The following CNIH3 variants were observed in gnomAD, a reference collection of about 807,000 sequenced individuals.
CNIH3 encodes the protein protein cornichon homolog 3.
In CNIH3, 14 loss-of-function variants were observed where a neutral mutation model predicts 24.1. That is an observed-to-expected ratio of 0.58 (90% CI 0.38 to 0.91). The LOEUF (loss-of-function observed/expected upper bound fraction) is 0.91, where lower values mean the gene tolerates loss of function less well. CNIH3 is among the 40% of genes least tolerant of loss of function. The probability of loss-of-function intolerance (pLI) is 0.00; values close to 1 mark genes in which losing one functional copy is unlikely to be tolerated. For synonymous variants in CNIH3, 68 were observed against 73.8 expected (o/e 0.92, Z 0.40); for missense variants, 178 against 196.8 (o/e 0.90, Z 0.57).
At chr1:224,463,348 G>T (rs1246468149) in intron 1 of CNIH3, among the ~76,000 whole-genome samples, 2 of 151,974 alleles carry the variant, frequency 1.3e-5, no homozygotes, top group Non-Finnish European at 2.9e-5. Context: ...AAAATCCTTT[G>T]GCCATTTAAA....
intron 3 of CNIH3, among the ~76,000 whole-genome samples, chr1:224,554,086 G>A (rs754524086): frequency 2.0e-5 from 3 of 152,046 alleles, no homozygotes; most frequent in Non-Finnish European, 4.4e-5. Context: ...ATGGAGTAAG[G>A]GGCACCATTC....
downstream of CNIH3, among the ~76,000 whole-genome samples, chr1:224,540,148 G>A (rs989029918): frequency 1.3e-5 from 2 of 152,144 alleles, no homozygotes; most frequent in African/African-American, 4.8e-5. Context: ...AAATCATCTA[G>A]TTCCTGGGGA....
At chr1:224,667,910 C>T (rs1685673628) in intron 1 of CNIH3, among the ~76,000 whole-genome samples, 1 of 152,120 alleles carries the variant, frequency 6.6e-6, no homozygotes, top group East Asian at 1.9e-4. Context: ...CGTGGATAGA[C>T]AAAGTATAGT....
intron 1 of CNIH3, among the ~76,000 whole-genome samples, chr1:224,468,563 A>AT (rs1408042318): frequency 1.3e-5 from 2 of 151,974 alleles, no homozygotes; most frequent in African/African-American, 4.8e-5. Context: ...ATTTATTAGG[A>AT]TTTTCTGTGT....
At chr1:224,438,222 CTT>C (rs774066856) in intron 1 of CNIH3, among the ~76,000 whole-genome samples, 36 of 143,016 alleles carry the variant, frequency 2.5e-4, no homozygotes, top group Admixed American at 2.1e-4. Context: ...CCATGCTGGC[CTT>C]TTTTTTTTTT....
At chr1:224,709,323 TG>T (rs1688001571) in intron 3 of CNIH3, among the ~76,000 whole-genome samples, 1 of 152,246 alleles carries the variant, frequency 6.6e-6, no homozygotes, top group Non-Finnish European at 1.5e-5. Context: ...CATCTTTACC[TG>T]GTTTTACTCA....
intron 2 of CNIH3, among the ~76,000 whole-genome samples, chr1:224,534,159 T>A (rs1679190723): frequency 6.6e-6 from 1 of 152,170 alleles, no homozygotes; most frequent in Non-Finnish European, 1.5e-5. Context: ...AGCGAGACCA[T>A]GTCTCAGATA....
intron 1 of CNIH3, among the ~76,000 whole-genome samples, chr1:224,634,283 T>C (rs998745678): frequency 1.8e-4 from 28 of 152,278 alleles, no homozygotes; most frequent in African/African-American, 6.3e-4. Flanking sequence ...GTTGTGTGAA[T>C]TAAGAATAAG....
intron 1 of CNIH3, among the ~76,000 whole-genome samples, chr1:224,487,451 C>T (rs1572345622): frequency 6.6e-6 from 1 of 152,270 alleles, no homozygotes; most frequent in East Asian, 1.9e-4. Flanking sequence ...ATCTTTTACC[C>T]TCTAGGTTCT....
At chr1:224,562,996 A>G (rs1680436420) in intron 3 of CNIH3, among the ~76,000 whole-genome samples, 1 of 152,224 alleles carries the variant, frequency 6.6e-6, no homozygotes, top group Admixed American at 6.5e-5. Context: ...AACTGTTTGC[A>G]AAATCTGCTA....
At chr1:224,570,036 A>G (rs571287863) in intron 4 of CNIH3, among the ~76,000 whole-genome samples, 16 of 152,238 alleles carry the variant, frequency 1.1e-4, no homozygotes, top group African/African-American at 3.9e-4. Context: ...CACCTGCCTC[A>G]GCCTCACAAA....
At chr1:224,597,776 T>C (rs1316765297) in intron 3 of CNIH3, among the ~76,000 whole-genome samples, 1 of 152,216 alleles carries the variant, frequency 6.6e-6, no homozygotes, top group African/African-American at 2.4e-5. Context: ...TGAGCTGCTC[T>C]AGCAAATTAA....
chr1:224,507,901 T>C (rs528812869), intron 1 of CNIH3, among the ~76,000 whole-genome samples: 4 of 152,244 alleles, frequency 2.6e-5, no homozygotes, highest in Non-Finnish European at 4.4e-5. Context: ...TTGTATTCCA[T>C]ATACAGGTTT....
At chr1:224,676,232 C>A (rs1250404785) in intron 1 of CNIH3, among the ~76,000 whole-genome samples, 1 of 152,086 alleles carries the variant, frequency 6.6e-6, no homozygotes, top group Non-Finnish European at 1.5e-5. Flanking sequence ...CATATGCTTA[C>A]AAAAGAAAGC....
intron 3 of CNIH3, among the ~76,000 whole-genome samples, chr1:224,693,145 G>C (rs1687009816): frequency 6.6e-6 from 1 of 152,238 alleles, no homozygotes; most frequent in Non-Finnish European, 1.5e-5. Flanking sequence ...CAAACTCCTT[G>C]TTAGTCAGAG....
intron 1 of CNIH3, among the ~76,000 whole-genome samples, chr1:224,643,405 T>C (rs1684454008): frequency 6.6e-6 from 1 of 152,168 alleles, no homozygotes; most frequent in Admixed American, 6.5e-5. Flanking sequence ...CTAGGGAAAA[T>C]GCAGCGAGGT....
chr1:224,492,441 G>A (rs1373115588), intron 1 of CNIH3, among the ~76,000 whole-genome samples: 4 of 152,186 alleles, frequency 2.6e-5, no homozygotes, highest in Admixed American at 2.0e-4. Flanking sequence ...CAGGAAAGAG[G>A]ATGGATTTTT....
At chr1:224,734,316 T>C (rs1689485917) in intron 4 of CNIH3, among the ~76,000 whole-genome samples, 1 of 152,170 alleles carries the variant, frequency 6.6e-6, no homozygotes, top group South Asian at 2.1e-4. Context: ...TCCCCTTCTG[T>C]TGGAGCAGCT....
At chr1:224,519,894 A>G (rs12142949) in intron 1 of CNIH3, among the ~76,000 whole-genome samples, 40,913 of 151,922 alleles carry the variant, frequency 0.27, 6,768 homozygotes, top group African/African-American at 0.47. Context: ...GTCACAGTAG[A>G]CCACATTTCA....
Sources: gnomAD v4.1 joint callset for allele counts (sites outside exome capture counted in the v4.1 genomes callset) on GRCh38, gnomAD v4.1.1 for gene constraint, MANE v1.5 for transcripts, NCBI Gene and HGNC (gene_info 2026-07-23, HGNC 2026-07-21) for gene names.